PDXDC1: variants seen among roughly 807,000 people sequenced by gnomAD.
PDXDC1 encodes pyridoxal-dependent decarboxylase domain-containing protein 1.
Under a neutral mutation model 100.1 loss-of-function variants are expected in PDXDC1, and 42 were observed. The observed-to-expected ratio is 0.42, with a 90% CI of 0.33 to 0.54. The LOEUF (loss-of-function observed/expected upper bound fraction) is 0.54. Ranked by LOEUF, PDXDC1 falls within the 20% of genes least tolerant of loss-of-function variation. The pLI is 0.10. For missense variants in PDXDC1, 636 were observed against 979.2 expected, an observed-to-expected ratio of 0.65 and a Z score of 4.68; for synonymous variants, 260 against 371.7, an observed-to-expected ratio of 0.70 and a Z score of 3.46.
rs370536448 is a variant in PDXDC1, at chr16:15,061,859, G to A, written c.1399+31803G>A. The A allele has an allele frequency of 5.0e-6, 8 of 1,613,682 alleles. No individual in the cohort carries two copies. Among genetic ancestry groups the A allele is most frequent in the Admixed American group, 1.7e-5 (1 of 60,024 alleles). The stretch of plus-strand genomic sequence containing the variant: ...GATCCCAATCACGGTATCATTCTGG[G>A]GCACTTCGCCTTTCAGAAAGTCATC... On this transcript the variant is annotated intron_variant, in intron 16 of 16. Transcript: ENST00000535621.
intron 1 of PDXDC1, among the ~76,000 whole-genome samples, chr16:14,981,841 T>G (rs1197673082): frequency 1.3e-5 from 2 of 152,368 alleles, no homozygotes; most frequent in South Asian, 2.1e-4. Flanking sequence ...TTTCTTTTTT[T>G]TTTTTGAGAT....
chr16:15,020,111 CAAAAAAAAAAAAAAAAAA>C (rs56353637), intron 12 of PDXDC1, among the ~76,000 whole-genome samples: 1 of 90,618 alleles, frequency 1.1e-5, no homozygotes, highest in African/African-American at 5.5e-5. Flanking sequence ...GGCTCCGTCT[CAAAAAAAAAAAAAAAAAA>C]AAAAAAAAAA....
rs144154223 is a variant in PDXDC1, at chr16:15,044,306, G to A, written c.1399+14250G>A. 3.3e-6 allele frequency: 5 copies of A among 1,516,948 alleles called. No homozygotes were observed. The South Asian group carries it at 3.4e-5, about 10-fold the overall frequency. 94.0% of individuals were successfully genotyped at this position (1,516,948 alleles called of 1,614,324 possible). On this transcript the variant is annotated intron_variant, in intron 16 of 16. Coordinates refer to the PDXDC1 transcript ENST00000535621. ...ATGGGTACATATTTATGTCCAATTT[G>A]GGGGAAAGAAAAAAAAAATGAACTT...
intron 5 of PDXDC1, among the ~76,000 whole-genome samples, chr16:15,005,317 A>AAAAAGG (rs5816114): frequency 6.8e-6 from 1 of 146,862 alleles, no homozygotes; most frequent in South Asian, 2.1e-4. Flanking sequence ...AAAAAAAAAA[A>AAAAAGG]AAAGAAAACT....
chr16:15,083,534 A>T, intron 16 of PDXDC1: 1 of 1,608,670 alleles, frequency 6.2e-7, no homozygotes, highest in Non-Finnish European at 8.5e-7. Flanking sequence ...CTGATTTTCG[A>T]ACAAATGGAA....
chr16:15,001,788 G>A lies in PDXDC1; in HGVS notation c.174G>A (p.Met58Ile). 1.2e-6 allele frequency: 2 copies of A among 1,611,166 alleles called. No individual in the cohort carries two copies. Among genetic ancestry groups the A allele is most frequent in the Non-Finnish European group, 8.5e-7 (1 of 1,179,748 alleles). ...TTTTATTCTGCAGTGGGCAAGATAT[G>A]GTGAGCATCCTCCAGTTAGTTCAGA... The part of the protein sequence containing the change: ...PGPLQGSGQD[M>I]VSILQLVQNL... The change falls in exon 4 of 23, where the codon ATG becomes ATA. Residue 58 changes from methionine to isoleucine, a missense_variant. By Grantham distance (10) the Met-to-Ile change is conservative. Coordinates refer to ENST00000396410, the MANE Select transcript of PDXDC1 (RefSeq NM_015027.4).
chr16:15,004,882 A>G (rs1973929095), intron 5 of PDXDC1, among the ~76,000 whole-genome samples: 1 of 152,292 alleles, frequency 6.6e-6, no homozygotes, highest in African/African-American at 2.4e-5. Flanking sequence ...TAGTTGTTAC[A>G]CTGTATTGTT....
At position 15,117,720 on chromosome 16, in the gene PDXDC1, A is replaced by C. The variant is rs2047288965; in HGVS notation, c.1400-21159A>C. On this transcript the variant is annotated intron_variant, in intron 16 of 16. Transcript: ENST00000535621. ...GGTGAGAAAAGAAAAAAAAAAAAAAAAGCTTCCTCCAATTTATACCAAAAA... is the reference window on the plus strand; with the variant it reads ...GGTGAGAAAAGAAAAAAAAAAAAAACAGCTTCCTCCAATTTATACCAAAAA... Among the ~76,000 whole-genome samples, 4 of 112,874 alleles carry C rather than the reference A, an allele frequency of 3.5e-5. No homozygotes were observed. The South Asian group carries it at 1.4e-3, about 40-fold the overall frequency. 74.0% of individuals were successfully genotyped at this position (112,874 alleles called of 152,430 possible). A position where few individuals can be genotyped will look rare whatever the true frequency, so the allele number is the denominator to read the frequency against.
At chr16:15,101,889 C>T (rs2151849014) in intron 16 of PDXDC1, among the ~76,000 whole-genome samples, 1 of 152,014 alleles carries the variant, frequency 6.6e-6, no homozygotes, top group South Asian at 2.1e-4. Flanking sequence ...TGCTCTGTTG[C>T]TCAGGCTGGA....
At chr16:15,141,149 C>T (rs1462459891), downstream of PDXDC1, among the ~76,000 whole-genome samples, 5 of 152,104 alleles carry the variant, frequency 3.3e-5, no homozygotes, top group South Asian at 2.1e-4. Flanking sequence ...CCTGAGCACC[C>T]GCCCAGCCCT....
rs932914857 is a variant in PDXDC1 at position 15,133,249 on chromosome 16, C to T, written c.1400-5630C>T. On this transcript the variant is annotated intron_variant, in intron 16 of 16. Transcript: ENST00000535621. ...CATGCAGCAGATGTGAGGTCCCCTG[C>T]CAGGCTGCACTCACCTCGTTCAGGA... 79 of 1,510,746 alleles carry T rather than the reference C, an allele frequency of 5.2e-5. 1 individual carries two copies. Among genetic ancestry groups the T allele is most frequent in the Middle Eastern group, 2.3e-4 (1 of 4,316 alleles). 93.6% of individuals were successfully genotyped at this position (1,510,746 alleles called of 1,614,324 possible).
At chr16:15,039,787 T>C (rs2043726060), downstream of PDXDC1, among the ~76,000 whole-genome samples, 1 of 152,172 alleles carries the variant, frequency 6.6e-6, no homozygotes. Flanking sequence ...GACCTAAAGA[T>C]GTTCATTACT....
chr16:15,132,464 A>G (rs1158111386), intron 16 of PDXDC1, among the ~76,000 whole-genome samples: 2 of 140,546 alleles, frequency 1.4e-5, no homozygotes, highest in Admixed American at 7.1e-5. Flanking sequence ...AAGGCACAGA[A>G]CAGCATCTTC....
chr16:15,069,612 A>G (rs2045136810), intron 16 of PDXDC1, among the ~76,000 whole-genome samples: 1 of 152,230 alleles, frequency 6.6e-6, no homozygotes, highest in Admixed American at 6.5e-5. Flanking sequence ...ACCTGGCTTC[A>G]GTTTTCTAAT....
Position 14,975,049 on chromosome 16 carries a change from C to T in PDXDC1, c.-151C>T, listed in dbSNP as rs1304104122. On this transcript the variant is annotated 5_prime_UTR_variant, in exon 1 of 23. Transcript: ENST00000396410. Reference sequence around the variant, plus strand: ...GCCTCTCAACCATCAGGTTCGGCAGCCCGCGGCGCCGCCTGGCAGCTCCTC... The same window carrying T: ...GCCTCTCAACCATCAGGTTCGGCAGTCCGCGGCGCCGCCTGGCAGCTCCTC... The T allele has an allele frequency of 3.9e-6, 6 of 1,519,996 alleles. No homozygotes were observed. Among genetic ancestry groups the T allele is most frequent in the South Asian group, 1.2e-5 (1 of 82,714 alleles). The allele number at this position is 1,519,996 out of a possible 1,614,324, so 94.2% of individuals were successfully genotyped here. A position where few individuals can be genotyped will look rare whatever the true frequency, so the allele number is the denominator to read the frequency against.
intron 16 of PDXDC1, among the ~76,000 whole-genome samples, chr16:15,090,238 G>GT (rs1270545148): frequency 2.0e-5 from 3 of 151,572 alleles, no homozygotes; most frequent in South Asian, 2.1e-4. Flanking sequence ...AAATCAGCAT[G>GT]TAAAAAAAAA....
intron 16 of PDXDC1, chr16:15,073,152 A>G (rs2045306883): frequency 6.6e-7 from 1 of 1,505,680 alleles, no homozygotes; most frequent in Non-Finnish European, 9.1e-7. Flanking sequence ...TATTTTTTAT[A>G]AACACAACAC....
rs1474267403 is a variant in PDXDC1 at position 15,131,751 on chromosome 16, G to A, written c.1400-7128G>A. On this transcript the variant is annotated intron_variant, in intron 16 of 16. Coordinates refer to the PDXDC1 transcript ENST00000535621. ...TCAGTGCAGAGACAGGGAGGCAGAG[G>A]GAGGGTGGGGGCAGGCAAAAAGGGG... 9.3e-6 allele frequency: 10 copies of A among 1,079,038 alleles called. No homozygotes were observed. In the African/African-American group the frequency reaches 1.8e-4, roughly 19 times the overall value. The allele number at this position is 1,079,038 out of a possible 1,614,324, so 66.8% of individuals were successfully genotyped here.
At chr16:15,148,727 T>C in the PDXDC1 span, among the ~76,000 whole-genome samples, 1 of 151,824 alleles carries the variant, frequency 6.6e-6, no homozygotes, top group African/African-American at 2.4e-5. Context: ...TAGTGTTCCC[T>C]GTATGATCTG....
Sources: gnomAD v4.1 joint callset for allele counts (sites outside exome capture counted in the v4.1 genomes callset) on GRCh38, gnomAD v4.1.1 for gene constraint, MANE v1.5 for transcripts, NCBI Gene and HGNC (gene_info 2026-07-23, HGNC 2026-07-21) for gene names.